ADH7: variants seen among roughly 807,000 people sequenced by gnomAD.
ADH7 encodes the protein alcohol dehydrogenase 7 (class IV), mu or sigma polypeptide.
A neutral mutation model predicts 34.4 loss-of-function variants in ADH7; 41 were observed. The observed-to-expected ratio is 1.19, with a 90% CI of 0.93 to 1.55. The LOEUF (loss-of-function observed/expected upper bound fraction) is 1.55, where lower values mean the gene tolerates loss of function less well. ADH7 is among the 40% of genes most tolerant of loss of function. ADH7 has a pLI of 0.00. For synonymous variants in ADH7, 180 were observed against 160.9 expected (o/e 1.12, Z -0.90); for missense variants, 540 against 461.2 (o/e 1.17, Z -1.56).
intron 5 of ADH7, among the ~76,000 whole-genome samples, chr4:99,424,517 A>T (rs1721751398): frequency 6.6e-6 from 1 of 152,130 alleles, no homozygotes; most frequent in African/African-American, 2.4e-5. Context: ...ATGAGCATGG[A>T]ATGTTCTTCC....
chr4:99,415,604 C>G lies in ADH7; in HGVS notation c.974G>C (p.Arg325Thr), dbSNP rs1560559444. The change falls in exon 8 of 9, where the codon AGA (arginine) becomes ACA (threonine). Residue 325 changes from arginine to threonine, a missense_variant. By Grantham distance (71) the Arg-to-Thr change is moderately conservative. Coordinates refer to ENST00000437033, the MANE Select transcript of ADH7 (RefSeq NM_000673.7). ...KGCVFGGLKS[R>T]DDVPKLVTEF... Reference sequence around the variant, plus strand: ...AGTCACTAGTTTTGGGACATCATCTCTGCTTTTCAAACCTGCAAATAAGCA... The same window carrying G: ...AGTCACTAGTTTTGGGACATCATCTGTGCTTTTCAAACCTGCAAATAAGCA... 3.1e-6 allele frequency: 5 copies of G among 1,613,038 alleles called. No individual in the cohort carries two copies. The highest frequency in any genetic ancestry group is 3.4e-6 in the Non-Finnish European group (4 of 1,179,454).
At position 99,420,552 on chromosome 4, in the gene ADH7, A is replaced by G. The variant is rs762290192; in HGVS notation, c.806T>C (p.Ile269Thr). The G allele has an allele frequency of 4.2e-5, 68 of 1,613,390 alleles. No homozygotes were observed. In the Admixed American group the frequency reaches 5.3e-4, roughly 13 times the overall value. ...GNNVGYTFEV[I>T]GHLETMIDAL... ...TCTTACCATGGTTTCAAGATGCCCA[A>G]TAACTTCAAAGGTGTATCCCACGTT... is the stretch of plus-strand genomic sequence containing the variant. The change falls in exon 6 of 9, where the codon ATT becomes ACT. Residue 269 changes from isoleucine to threonine, a missense_variant. Physicochemically the swap from Ile to Thr is moderately conservative, Grantham distance 89. Coordinates refer to ENST00000437033, the MANE Select transcript of ADH7 (RefSeq NM_000673.7).
chr4:99,424,045 T>C (rs912354699), intron 5 of ADH7, among the ~76,000 whole-genome samples: 2 of 152,038 alleles, frequency 1.3e-5, no homozygotes, highest in Non-Finnish European at 2.9e-5. Context: ...CATCTTGAAT[T>C]AATTTTTGTA....
intron 1 of ADH7, among the ~76,000 whole-genome samples, chr4:99,434,752 G>A (rs1265354929): frequency 6.6e-6 from 1 of 151,796 alleles, no homozygotes; most frequent in Non-Finnish European, 1.5e-5. Flanking sequence ...CACTTTCTTG[G>A]CCATTTTGCA....
At chr4:99,423,446 T>A (rs991555727) in intron 5 of ADH7, among the ~76,000 whole-genome samples, 1 of 151,822 alleles carries the variant, frequency 6.6e-6, no homozygotes, top group African/African-American at 2.4e-5. Context: ...CCCTGAGGAA[T>A]CGCCACACTG....
chr4:99,422,945 T>C (rs200539566), intron 5 of ADH7, among the ~76,000 whole-genome samples: 2 of 147,084 alleles, frequency 1.4e-5, no homozygotes, highest in African/African-American at 5.0e-5. Flanking sequence ...GTTACATATG[T>C]ATACATGTGC....
At chr4:99,425,192 C>A (rs1216209040) in intron 5 of ADH7, among the ~76,000 whole-genome samples, 2 of 151,836 alleles carry the variant, frequency 1.3e-5, no homozygotes, top group Non-Finnish European at 2.9e-5. Context: ...ATGACAGGAT[C>A]AAATTCACAC....
At chr4:99,434,943 A>T in intron 1 of ADH7, 2 of 1,239,370 alleles carry the variant, frequency 1.6e-6, no homozygotes, top group Non-Finnish European at 2.3e-6. Flanking sequence ...CCGGAAATCA[A>T]ATTATGAATA....
At chr4:99,416,738 C>A (rs925914481) in intron 7 of ADH7, among the ~76,000 whole-genome samples, 2 of 152,074 alleles carry the variant, frequency 1.3e-5, no homozygotes, top group Non-Finnish European at 2.9e-5. Flanking sequence ...CATCCTAAAC[C>A]TCTACCTGTA....
intron 2 of ADH7, 131 bp from the exon 3 acceptor site, chr4:99,428,761 T>C: frequency 8.2e-7 from 1 of 1,217,008 alleles, no homozygotes; most frequent in Non-Finnish European, 1.1e-6. Context: ...ACATTTACTC[T>C]TAGACTATTC....
chr4:99,428,598 G>A lies in ADH7; in HGVS notation c.153C>T (p.Asp51=). 6.2e-7 allele frequency: 1 copy of A among 1,613,766 alleles called. No homozygotes were observed. The highest frequency in any genetic ancestry group is 1.7e-5 in the Admixed American group (1 of 59,966). ...ACACCATTGTTCCTTTTATCACATG[G>A]TCATCTGTGCGACAGATTCCTGTGG... ...ILATGICRTD[D]HVIKGTMVSK... is the part of the protein sequence containing the mutation. Residue 51 remains aspartate, a synonymous_variant, in exon 3 of 9, where the codon GAC becomes GAT. Transcript: ENST00000437033.
intron 5 of ADH7, among the ~76,000 whole-genome samples, chr4:99,422,035 C>A (rs532813749): frequency 6.6e-6 from 1 of 152,102 alleles, no homozygotes; most frequent in South Asian, 2.1e-4. Context: ...GAAATAAGAA[C>A]GCTTTTTACA....
At chr4:99,432,006 CAT>C (rs1721946476) in intron 1 of ADH7, among the ~76,000 whole-genome samples, 1 of 152,116 alleles carries the variant, frequency 6.6e-6, no homozygotes, top group African/African-American at 2.4e-5. Flanking sequence ...ACCATAAAGA[CAT>C]ATGCATGCGT....
At chr4:99,414,328 A>T (rs1426032329) in intron 8 of ADH7, among the ~76,000 whole-genome samples, 1 of 152,202 alleles carries the variant, frequency 6.6e-6, no homozygotes, top group Admixed American at 6.6e-5. Context: ...GGTAAAAAAA[A>T]AAATTAGTAA....
chr4:99,417,191 T>C (rs1721539797), intron 7 of ADH7, among the ~76,000 whole-genome samples: 2 of 152,056 alleles, frequency 1.3e-5, no homozygotes, highest in South Asian at 4.1e-4. Flanking sequence ...TCAGATCAGG[T>C]GACACCTCCC....
intron 1 of ADH7, among the ~76,000 whole-genome samples, chr4:99,431,817 A>G (rs1245095529): frequency 2.6e-5 from 4 of 152,106 alleles, no homozygotes; most frequent in African/African-American, 9.7e-5. Flanking sequence ...AAAGTCAAAA[A>G]ACAAACTGGT....
At chr4:99,428,728 C>G in intron 2 of ADH7, 98 bp from the exon 3 acceptor site, 1 of 1,436,862 alleles carries the variant, frequency 7.0e-7, no homozygotes, top group Non-Finnish European at 9.4e-7. Context: ...ATTGTTTAAT[C>G]AATATCTTTG....
At chr4:99,420,451 A>T in intron 6 of ADH7, 82 bp downstream of exon 6, 1 of 1,397,084 alleles carries the variant, frequency 7.2e-7, no homozygotes, top group South Asian at 1.3e-5. Flanking sequence ...TTGACTATTA[A>T]TAAAGTTATA....
At chr4:99,418,247 T>C (rs1721567972) in intron 7 of ADH7, among the ~76,000 whole-genome samples, 1 of 152,206 alleles carries the variant, frequency 6.6e-6, no homozygotes, top group Admixed American at 6.5e-5. Flanking sequence ...TTTGTATCCT[T>C]CGCTACATTA....
Sources: allele counts gnomAD v4.1 joint callset (sites outside exome capture counted in the v4.1 genomes callset), GRCh38; gene constraint gnomAD v4.1.1; transcripts MANE v1.5; gene names NCBI Gene and HGNC (gene_info 2026-07-23, HGNC 2026-07-21).